Variants in RBMS3 observed in about 807,000 individuals in gnomAD.
RBMS3 encodes the protein RNA binding motif single stranded interacting protein 3, also known as RNA-binding motif, single-stranded-interacting protein 3.
In RBMS3, 27 loss-of-function variants were observed where a neutral mutation model predicts 66.8. That is an observed-to-expected ratio of 0.40 (90% CI 0.30 to 0.56). The LOEUF (loss-of-function observed/expected upper bound fraction) is 0.56, where lower values mean the gene tolerates loss of function less well. RBMS3 is among the 20% of genes least tolerant of loss of function. The probability of loss-of-function intolerance (pLI) is 0.40; values close to 1 mark genes in which losing one functional copy is unlikely to be tolerated. For synonymous variants in RBMS3, 188 were observed against 183.0 expected, an observed-to-expected ratio of 1.03 and a Z score of -0.22; for missense variants, 513 against 549.5, an observed-to-expected ratio of 0.93 and a Z score of 0.66.
intron 3 of RBMS3, among the ~76,000 whole-genome samples, chr3:29,541,189 G>GA: frequency 6.6e-6 from 1 of 152,214 alleles, no homozygotes; most frequent in East Asian, 1.9e-4. Flanking sequence ...ATCTACATGT[G>GA]AAAAACTCCC....
At chr3:29,989,948 T>C (rs1370106063) in intron 13 of RBMS3, among the ~76,000 whole-genome samples, 1 of 152,200 alleles carries the variant, frequency 6.6e-6, no homozygotes, top group Non-Finnish European at 1.5e-5. Context: ...TTTGACCATT[T>C]TGATGATTAT....
chr3:29,889,096 C>T (rs191995082), intron 8 of RBMS3, among the ~76,000 whole-genome samples: 12 of 151,322 alleles, frequency 7.9e-5, no homozygotes, highest in African/African-American at 1.5e-4. Flanking sequence ...CCAGATAGTA[C>T]GAACAGAACT....
intron 4 of RBMS3, among the ~76,000 whole-genome samples, chr3:29,589,845 T>G (rs1186787281): frequency 2.6e-5 from 4 of 152,046 alleles, no homozygotes; most frequent in African/African-American, 9.7e-5. Context: ...GACTCCAGCA[T>G]TTTAAAATAA....
intron 12 of RBMS3, among the ~76,000 whole-genome samples, chr3:29,945,974 T>C (rs751343105): frequency 1.3e-5 from 2 of 151,756 alleles, no homozygotes; most frequent in Admixed American, 6.6e-5. Flanking sequence ...ATATGACATA[T>C]TGTATTTATA....
intron 1 of RBMS3, among the ~76,000 whole-genome samples, chr3:29,426,909 A>G (rs1326338788): frequency 1.3e-5 from 2 of 152,234 alleles, no homozygotes; most frequent in African/African-American, 4.8e-5. Context: ...CATAATTTAT[A>G]CATTTTAGCT....
intron 4 of RBMS3, among the ~76,000 whole-genome samples, chr3:29,645,708 G>C (rs925436883): frequency 1.3e-5 from 2 of 152,132 alleles, no homozygotes; most frequent in Admixed American, 1.3e-4. Context: ...GTCTACTTTG[G>C]GTTTGTGCTA....
intron 2 of RBMS3, among the ~76,000 whole-genome samples, chr3:29,436,910 A>T (rs2125729457): frequency 6.6e-6 from 1 of 152,354 alleles, no homozygotes; most frequent in East Asian, 1.9e-4. Context: ...TATTGTATAA[A>T]GTTTCACTAA....
At chr3:29,608,365 C>T (rs1310644860) in intron 4 of RBMS3, among the ~76,000 whole-genome samples, 1 of 151,812 alleles carries the variant, frequency 6.6e-6, no homozygotes, top group East Asian at 1.9e-4. Flanking sequence ...TGACTTAAAA[C>T]TTAGTGTAAT....
At chr3:29,337,621 G>A (rs1216193462) in intron 1 of RBMS3, among the ~76,000 whole-genome samples, 2 of 152,054 alleles carry the variant, frequency 1.3e-5, no homozygotes, top group Non-Finnish European at 1.5e-5. Context: ...AACCCAGGCT[G>A]GGTGACAGAG....
chr3:29,682,517 G>C (rs1381921134), intron 4 of RBMS3, among the ~76,000 whole-genome samples: 2 of 152,178 alleles, frequency 1.3e-5, no homozygotes, highest in African/African-American at 4.8e-5. Context: ...GGGGTGCTGT[G>C]TTAGGAAGGA....
chr3:29,352,760 C>A (rs2125561868), intron 1 of RBMS3, among the ~76,000 whole-genome samples: 1 of 152,080 alleles, frequency 6.6e-6, no homozygotes, highest in Admixed American at 6.6e-5. Context: ...ACACTTCCCA[C>A]CCTGTAGTTT....
chr3:29,357,423 CACATTTTCTTAATCCAGTCTA>C (rs1474354183), intron 1 of RBMS3, among the ~76,000 whole-genome samples: 1 of 152,134 alleles, frequency 6.6e-6, no homozygotes, highest in African/African-American at 2.4e-5. Flanking sequence ...GTATATGTGC[CACATTTTCTTAATCCAGTCTA>C]TCATTGGTGG....
At chr3:29,420,659 A>T (rs928864309) in intron 1 of RBMS3, among the ~76,000 whole-genome samples, 1 of 151,502 alleles carries the variant, frequency 6.6e-6, no homozygotes, top group Admixed American at 6.6e-5. Flanking sequence ...GAATACTTGC[A>T]CACCACTAAT....
At chr3:29,787,624 G>A (rs1249526506) in intron 6 of RBMS3, among the ~76,000 whole-genome samples, 1 of 152,114 alleles carries the variant, frequency 6.6e-6, no homozygotes, top group African/African-American at 2.4e-5. Flanking sequence ...CTCATATGTG[G>A]GAGCTAAGCT....
intron 6 of RBMS3, among the ~76,000 whole-genome samples, chr3:29,777,839 T>G (rs1396578046): frequency 6.6e-6 from 1 of 151,872 alleles, no homozygotes; most frequent in Non-Finnish European, 1.5e-5. Flanking sequence ...AAATCACAGT[T>G]TTTGTCTTCT....
chr3:29,588,848 G>T lies in RBMS3; in HGVS notation c.399+1643G>T, dbSNP rs531551892. 2.6e-5 allele frequency among the ~76,000 whole-genome samples: 4 copies of T among 152,164 alleles called. No individual in the cohort carries two copies. In the East Asian group the frequency reaches 7.7e-4, roughly 29 times the overall value. ...ACAAAACAAATGATGAAATGTAGCTGTTAGGTATATGTAAAATAAGTAACT... is the reference window on the plus strand; with the variant it reads ...ACAAAACAAATGATGAAATGTAGCTTTTAGGTATATGTAAAATAAGTAACT... On this transcript the variant is annotated intron_variant, in intron 4 of 14. Coordinates refer to ENST00000383767, the MANE Select transcript of RBMS3 (RefSeq NM_001003793.3).
At chr3:29,336,112 T>C (rs2035932790) in intron 1 of RBMS3, among the ~76,000 whole-genome samples, 1 of 152,180 alleles carries the variant, frequency 6.6e-6, no homozygotes, top group African/African-American at 2.4e-5. Flanking sequence ...TTAACAAATA[T>C]GTGTTCTCTA....
chr3:29,703,886 T>C (rs2052748571), intron 4 of RBMS3, among the ~76,000 whole-genome samples: 1 of 152,158 alleles, frequency 6.6e-6, no homozygotes, highest in African/African-American at 2.4e-5. Flanking sequence ...TTACAGCTGC[T>C]CCCAATCACC....
intron 10 of RBMS3, among the ~76,000 whole-genome samples, chr3:29,930,109 CTTTTTTT>C (rs775548425): frequency 1.8e-4 from 8 of 43,556 alleles, no homozygotes; most frequent in Admixed American, 3.1e-4. Flanking sequence ...TTCTTTCTTT[CTTTTTTT>C]TTTTTTTTTT....
Sources: allele counts gnomAD v4.1 joint callset (sites outside exome capture counted in the v4.1 genomes callset), GRCh38; gene constraint gnomAD v4.1.1; transcripts MANE v1.5; gene names NCBI Gene and HGNC (gene_info 2026-07-23, HGNC 2026-07-21).